The following ASXL3 variants were observed in gnomAD, a reference collection of about 807,000 sequenced individuals.
ASXL3 encodes putative Polycomb group protein ASXL3.
In ASXL3, 34 loss-of-function variants were observed where a neutral mutation model predicts 170.6. The ratio of observed to expected loss-of-function variants is 0.20; its 90% CI spans 0.15 to 0.27. ASXL3 has a LOEUF of 0.27. Among genes scored for constraint, ASXL3 ranks in the 10% least tolerant of loss-of-function variants. The probability of loss-of-function intolerance (pLI) is 1.00; values close to 1 mark genes in which losing one functional copy is unlikely to be tolerated. For synonymous variants in ASXL3, 1,002 were observed against 989.1 expected (o/e 1.01, Z -0.24); for missense variants, 2,592 against 2,695.3 (o/e 0.96, Z 0.85).
chr18:33,626,514 G>A (rs925824655), intron 2 of ASXL3: 1 of 151,356 alleles, frequency 6.6e-6, no homozygotes, highest in Non-Finnish European at 1.5e-5. Flanking sequence ...TATCTGCTGG[G>A]TCAAGGCTTT....
chr18:33,745,060 T>G lies in ASXL3; in HGVS notation c.5212T>G (p.Cys1738Gly). The change falls in exon 12 of 12, where the codon TGT (cysteine) becomes GGT (glycine). Residue 1738 changes from cysteine (C) to glycine (G), a missense_variant. This residue lies in a region of ASXL3 where 2,246 missense variants were observed against 2,219.6 expected (regional missense o/e 1.01). Transcript: ENST00000269197. The part of the protein sequence containing the change: ...KRVPGAGSSG[C>G]RLSSVEANNP... ...AGTCCCTGGTGCAGGGAGCTCAGGC[T>G]GTCGTCTGTCCTCTGTGGAGGCTAA... 6.2e-7 allele frequency: 1 copy of G among 1,614,022 alleles called. No homozygotes were observed. The highest frequency in any genetic ancestry group is 8.5e-7 in the Non-Finnish European group (1 of 1,179,888).
intron 2 of ASXL3, among the ~76,000 whole-genome samples, chr18:33,628,892 G>A (rs1311316774): frequency 1.3e-5 from 2 of 152,124 alleles, no homozygotes; most frequent in African/African-American, 4.8e-5. Context: ...TTTGGATGGA[G>A]TTTGAATTCA....
chr18:33,637,888 C>T (rs1282426775), intron 2 of ASXL3, among the ~76,000 whole-genome samples: 2 of 152,086 alleles, frequency 1.3e-5, no homozygotes, highest in Non-Finnish European at 2.9e-5. Context: ...TGCTGAGTCC[C>T]CTGTCATTTC....
chr18:33,725,151 A>G (rs2067328560), intron 8 of ASXL3, among the ~76,000 whole-genome samples: 1 of 152,118 alleles, frequency 6.6e-6, no homozygotes, highest in Non-Finnish European at 1.5e-5. Flanking sequence ...TGGCTCAATG[A>G]TAACAGCATA....
chr18:33,681,304 C>T (rs767347985), intron 7 of ASXL3, among the ~76,000 whole-genome samples: 1 of 152,156 alleles, frequency 6.6e-6, no homozygotes. Context: ...GCCTCTGCAA[C>T]CATTGCATTT....
rs190781426 is a variant in ASXL3, at chr18:33,673,608, C to T, written c.715+1742C>T. Among the ~76,000 whole-genome samples the T allele has an allele frequency of 2.2e-4, 34 of 152,172 alleles. 1 individual carries two copies. In the South Asian group the frequency reaches 4.8e-3, roughly 21 times the overall value. On this transcript the variant is annotated intron_variant, in intron 7 of 11. Transcript: ENST00000269197. ...CTCAAACTCCTGACCTCAGGTGATC[C>T]GCCTGCCTTTGCCTCCCAAAGTGCT...
intron 1 of ASXL3, among the ~76,000 whole-genome samples, chr18:33,595,935 C>CA (rs2065122330): frequency 6.6e-6 from 1 of 152,036 alleles, no homozygotes; most frequent in South Asian, 2.1e-4. Context: ...AGCTTCCATT[C>CA]AAATCAAAAT....
At chr18:33,632,401 C>G (rs888855443) in intron 2 of ASXL3, among the ~76,000 whole-genome samples, 2 of 152,186 alleles carry the variant, frequency 1.3e-5, no homozygotes, top group African/African-American at 4.8e-5. Flanking sequence ...ATACTGGTAG[C>G]TGCCCCAGTG....
At chr18:33,617,517 T>G (rs544285291) in intron 2 of ASXL3, among the ~76,000 whole-genome samples, 1 of 152,188 alleles carries the variant, frequency 6.6e-6, no homozygotes, top group Admixed American at 6.5e-5. Flanking sequence ...ATATAATGTG[T>G]ATGTTCACAT....
At position 33,749,047 on chromosome 18, in the gene ASXL3, A is replaced by G. The variant is rs950838072; in HGVS notation, c.*2452A>G. On this transcript the variant is annotated 3_prime_UTR_variant, in exon 12 of 12. Coordinates refer to ENST00000269197, the MANE Select transcript of ASXL3 (RefSeq NM_030632.3). ...TGATAGTGCATGGATTCTATCATCCAGGTCCGATTAGCATAATTTTTCTGC... is the reference window on the plus strand; with the variant it reads ...TGATAGTGCATGGATTCTATCATCCGGGTCCGATTAGCATAATTTTTCTGC... The G allele has an allele frequency of 6.8e-6, 1 of 147,620 alleles. No individual in the cohort carries two copies. Among genetic ancestry groups the G allele is most frequent in the African/African-American group, 2.5e-5 (1 of 40,162 alleles). 9.1% of individuals were successfully genotyped at this position (147,620 alleles called of 1,614,324 possible). A position where few individuals can be genotyped will look rare whatever the true frequency, so the allele number is the denominator to read the frequency against.
At chr18:33,683,808 AC>A (rs2066550984) in intron 8 of ASXL3, among the ~76,000 whole-genome samples, 1 of 152,212 alleles carries the variant, frequency 6.6e-6, no homozygotes, top group Non-Finnish European at 1.5e-5. Context: ...CTATAAACTT[AC>A]ATTGGAAAGG....
chr18:33,606,595 TTAA>T (rs1265440131), intron 1 of ASXL3, among the ~76,000 whole-genome samples: 1 of 152,008 alleles, frequency 6.6e-6, no homozygotes. Flanking sequence ...CTGTTAATTC[TTAA>T]TAATTATGAT....
intron 8 of ASXL3, among the ~76,000 whole-genome samples, chr18:33,698,616 T>A (rs2066814551): frequency 6.6e-6 from 1 of 152,096 alleles, no homozygotes; most frequent in South Asian, 2.1e-4. Flanking sequence ...AGAAGAGGGC[T>A]TAAGATGAAA....
intron 2 of ASXL3, among the ~76,000 whole-genome samples, chr18:33,638,214 ATATT>A (rs2065798898): frequency 6.6e-6 from 1 of 150,512 alleles, no homozygotes; most frequent in African/African-American, 2.4e-5. Flanking sequence ...TGATATATAT[ATATT>A]ATCAAATACA....
At position 33,712,129 on chromosome 18, in the gene ASXL3, T is replaced by C. The variant is rs183270118; in HGVS notation, c.880-19839T>C. 1.9e-4 allele frequency among the ~76,000 whole-genome samples: 29 copies of C among 152,302 alleles called. 1 individual carries two copies. Among genetic ancestry groups the C allele is most frequent in the Admixed American group, 7.2e-4 (11 of 15,294 alleles). ...TGTTGATGCTCCAGTTGCTATTATT[T>C]TGCAAAAATTCTTTTGTATTTGTTT... is the stretch of plus-strand genomic sequence containing the variant. On this transcript the variant is annotated intron_variant, in intron 8 of 11. Transcript: ENST00000269197.
chr18:33,745,476 A>G lies in ASXL3; in HGVS notation c.5628A>G (p.Gln1876=). ...SQLGHSQPFK[Q]EWLNKHSMQN... ...TAGGACACAGCCAGCCATTTAAGCAAGAATGGCTAAACAAGCACTCCATGC... is the reference window on the plus strand; with the variant it reads ...TAGGACACAGCCAGCCATTTAAGCAGGAATGGCTAAACAAGCACTCCATGC... The change falls in exon 12 of 12, where the codon CAA becomes CAG. Residue 1876 remains glutamine (Q), a synonymous_variant. Transcript: ENST00000269197. 6.2e-7 allele frequency: 1 copy of G among 1,614,074 alleles called. No homozygotes were observed. Among genetic ancestry groups the G allele is most frequent in the Non-Finnish European group, 8.5e-7 (1 of 1,179,914 alleles).
At chr18:33,591,185 C>T (rs2065073606) in intron 1 of ASXL3, among the ~76,000 whole-genome samples, 1 of 152,156 alleles carries the variant, frequency 6.6e-6, no homozygotes, top group Admixed American at 6.5e-5. Context: ...CAACATTTCT[C>T]CTTTCCTAGA....
rs182403580 is a variant in ASXL3 at position 33,649,644 on chromosome 18, T to A, written c.355+3291T>A. 7.9e-4 allele frequency: 121 copies of A among 152,248 alleles called. 1 individual carries two copies. Among genetic ancestry groups the A allele is most frequent in the African/African-American group, 2.8e-3 (118 of 41,504 alleles). The allele number at this position is 152,248 out of a possible 1,614,324, so 9.4% of individuals were successfully genotyped here. ...TGACTGAAGCTGGGGTTTTGCCAAATGTAAATGATGAAGCAAGAGAGGAAG... is the reference window on the plus strand; with the variant it reads ...TGACTGAAGCTGGGGTTTTGCCAAAAGTAAATGATGAAGCAAGAGAGGAAG... On this transcript the variant is annotated intron_variant, in intron 4 of 11. Transcript: ENST00000269197.
At chr18:33,664,088 T>C (rs913445716) in intron 5 of ASXL3, among the ~76,000 whole-genome samples, 4 of 152,176 alleles carry the variant, frequency 2.6e-5, no homozygotes, top group Admixed American at 2.6e-4. Flanking sequence ...TTATGGTTTC[T>C]AGACACTGTA....
Sources: gnomAD v4.1 joint callset for allele counts (sites outside exome capture counted in the v4.1 genomes callset) on GRCh38, gnomAD v4.1.1 for gene constraint, gnomAD v4.1.1 regional missense constraint, MANE v1.5 for transcripts, NCBI Gene and HGNC (gene_info 2026-07-23, HGNC 2026-07-21) for gene names.